Variants in HLCS observed in about 807,000 individuals in gnomAD.
HLCS encodes the protein biotin--protein ligase.
In HLCS, 53 loss-of-function variants were observed where a neutral mutation model predicts 75.0. The observed-to-expected ratio is 0.71, with a 90% confidence interval of 0.57 to 0.89. The LOEUF (loss-of-function observed/expected upper bound fraction) is 0.89, where lower values mean the gene tolerates loss of function less well. HLCS is among the 40% of genes least tolerant of loss of function. HLCS has a pLI of 0.00. For missense variants in HLCS, 966 were observed against 1,074.0 expected, an observed-to-expected ratio of 0.90 and a Z score of 1.41; for synonymous variants, 431 against 428.6, an observed-to-expected ratio of 1.01 and a Z score of -0.07.
In HLCS at chr21:36,962,122, T is replaced by C. The variant is rs1470702078; in HGVS notation, c.244A>G (p.Ile82Val). The change falls in exon 2 of 11, where the codon ATA becomes GTA. Residue 82 changes from isoleucine (I) to valine (V), a missense_variant. Transcript: ENST00000674895. ...KWALFLVSPF[I>V]LEAEHIAFVT... ...AATGCTATGTGTTCTGCTTCAAGTATAAAAGGAGACACAAGAAATAGGGCC... is the reference window on the plus strand; with the variant it reads ...AATGCTATGTGTTCTGCTTCAAGTACAAAAGGAGACACAAGAAATAGGGCC... 1.6e-6 allele frequency: 2 copies of C among 1,288,956 alleles called. No homozygotes were observed. Among genetic ancestry groups the C allele is most frequent in the South Asian group, 2.5e-5 (2 of 81,002 alleles). The allele number at this position is 1,288,956 out of a possible 1,614,324, so 79.8% of individuals were successfully genotyped here.
chr21:36,877,153 A>C (rs887129051), intron 6 of HLCS, among the ~76,000 whole-genome samples: 2 of 152,230 alleles, frequency 1.3e-5, no homozygotes, highest in Non-Finnish European at 1.5e-5. Context: ...TGTGTCTTGA[A>C]GAGAACATAT....
In HLCS at chr21:36,932,899, T is replaced by G. The variant is rs555333835; in HGVS notation, c.1438-2466A>C. 3.0e-4 allele frequency among the ~76,000 whole-genome samples: 46 copies of G among 152,188 alleles called. No homozygotes were observed. In the East Asian group the frequency reaches 8.3e-3, roughly 28 times the overall value. ...TTGGCAGGCCGAGGCGGGAGGATCA[T>G]TTGAGGCCAGGAGTTTGAGACCAGC... On this transcript the variant is annotated intron_variant, in intron 4 of 10. Coordinates refer to ENST00000674895, the MANE Select transcript of HLCS (RefSeq NM_001352514.2).
intron 4 of HLCS, among the ~76,000 whole-genome samples, chr21:36,932,148 T>C (rs1013413018): frequency 2.6e-5 from 4 of 152,222 alleles, no homozygotes; most frequent in African/African-American, 9.7e-5. Context: ...AATAATCAGG[T>C]AAATAATTAT....
chr21:36,886,929 C>T (rs953037264), intron 6 of HLCS, among the ~76,000 whole-genome samples: 2 of 151,998 alleles, frequency 1.3e-5, no homozygotes, highest in African/African-American at 4.8e-5. Flanking sequence ...GGGTTCGAGA[C>T]CAGACTGGCC....
At chr21:36,781,215 C>T (rs2060521410) in intron 6 of HLCS, among the ~76,000 whole-genome samples, 1 of 149,892 alleles carries the variant, frequency 6.7e-6, no homozygotes, top group Admixed American at 6.7e-5. Flanking sequence ...TGAGATCATG[C>T]CATTGCACTC....
chr21:36,936,451 GGCAA>G lies in HLCS; in HGVS notation c.1431_1434del (p.Cys478ArgfsTer4), dbSNP rs769919376. On this transcript the variant is annotated frameshift_variant, in exon 4 of 11. Coordinates refer to ENST00000674895, the MANE Select transcript of HLCS (RefSeq NM_001352514.2). LOFTEE classifies it high-confidence loss of function. ...CAAATCCATGCTGCCCTGAGTACCT[GGCAA>G]AGAACAGCTTCTCCCCCGCGAGTTC... 1 of 1,612,890 alleles carries G rather than the reference GGCAA, an allele frequency of 6.2e-7. No homozygotes were observed. The highest frequency in any genetic ancestry group is 1.3e-5 in the African/African-American group (1 of 74,902).
At position 36,750,772 on chromosome 21, in the gene HLCS, C is replaced by T. The variant is rs1238470855; in HGVS notation, c.*3474G>A. On this transcript the variant is annotated 3_prime_UTR_variant, in exon 11 of 11. Coordinates refer to ENST00000674895, the MANE Select transcript of HLCS (RefSeq NM_001352514.2). ...TAGAATGCTAATTATTCAAGCTGTT[C>T]CTAAACTTAAGTATGACATATAAGA... is the stretch of plus-strand genomic sequence containing the variant. The T allele has an allele frequency of 6.7e-6, 1 of 149,968 alleles. No individual in the cohort carries two copies. Among genetic ancestry groups the T allele is most frequent in the African/African-American group, 2.5e-5 (1 of 40,510 alleles). 9.3% of individuals were successfully genotyped at this position (149,968 alleles called of 1,614,324 possible). A position where few individuals can be genotyped will look rare whatever the true frequency, so the allele number is the denominator to read the frequency against.
chr21:36,787,892 C>T (rs2060739113), intron 6 of HLCS, among the ~76,000 whole-genome samples: 1 of 152,178 alleles, frequency 6.6e-6, no homozygotes, highest in African/African-American at 2.4e-5. Context: ...TCACCTGTGC[C>T]GATGACCAGA....
chr21:36,759,883 C>T, intron 8 of HLCS, 42 bp from the exon 9 acceptor site: 1 of 1,256,176 alleles, frequency 8.0e-7, no homozygotes, highest in Non-Finnish European at 1.2e-6. Flanking sequence ...TCACAGGACA[C>T]AAGGGGCCCA....
At chr21:36,773,299 G>A (rs956762353) in intron 6 of HLCS, among the ~76,000 whole-genome samples, 5 of 152,232 alleles carry the variant, frequency 3.3e-5, no homozygotes, top group Admixed American at 1.3e-4. Flanking sequence ...GCTTTCCCAG[G>A]CTGCCATACC....
chr21:36,837,470 A>C (rs2835478), intron 6 of HLCS, among the ~76,000 whole-genome samples: 18,242 of 152,200 alleles, frequency 0.12, 1,910 homozygotes, highest in African/African-American at 0.27. Context: ...CACGTCAAGT[A>C]GGAAAAAGTC....
At chr21:36,916,517 A>ATTTTTTTTTTTTTTTTTTTTTT (rs1569188583) in intron 5 of HLCS, among the ~76,000 whole-genome samples, 1 of 136,540 alleles carries the variant, frequency 7.3e-6, no homozygotes, top group Non-Finnish European at 1.6e-5. Context: ...ATGCCTAGCT[A>ATTTTTTTTTTTTTTTTTTTTTT]ATTTTTTTTT....
intron 5 of HLCS, among the ~76,000 whole-genome samples, chr21:36,902,726 A>G (rs1037768509): frequency 6.6e-6 from 1 of 152,182 alleles, no homozygotes; most frequent in Admixed American, 6.5e-5. Context: ...TGAGAAGACG[A>G]ATGCAGTGGG....
In HLCS at chr21:36,793,300, T is replaced by C. The variant is rs915787360; in HGVS notation, c.1893-26015A>G. Among the ~76,000 whole-genome samples the C allele has an allele frequency of 4.1e-5, 6 of 146,696 alleles. 1 individual carries two copies. Among genetic ancestry groups the C allele is most frequent in the Non-Finnish European group, 9.1e-5 (6 of 66,114 alleles). Reference sequence around the variant, plus strand: ...ACGGGACAGCAGGAAGCAGTCTTTTTTTTTTTTTTTTTTGAGATAGAGTCT... The same window carrying C: ...ACGGGACAGCAGGAAGCAGTCTTTTCTTTTTTTTTTTTTGAGATAGAGTCT... On this transcript the variant is annotated intron_variant, in intron 6 of 10. Transcript: ENST00000674895.
chr21:36,829,007 G>A (rs1029152156), intron 6 of HLCS, among the ~76,000 whole-genome samples: 1 of 152,194 alleles, frequency 6.6e-6, no homozygotes, highest in African/African-American at 2.4e-5. Flanking sequence ...CAGGAGAAAT[G>A]CTTTCTGAAA....
intron 1 of HLCS, among the ~76,000 whole-genome samples, chr21:36,982,189 A>G (rs1426057999): frequency 6.6e-6 from 1 of 152,130 alleles, no homozygotes; most frequent in African/African-American, 2.4e-5. Flanking sequence ...CATTTTATTC[A>G]TGTTCACTGC....
chr21:36,779,114 A>G (rs1468037140), intron 6 of HLCS, among the ~76,000 whole-genome samples: 1 of 151,772 alleles, frequency 6.6e-6, no homozygotes, highest in Non-Finnish European at 1.5e-5. Context: ...ACTGCCTCCC[A>G]AGTCCCACAG....
At chr21:36,932,089 G>C (rs1319244174) in intron 4 of HLCS, among the ~76,000 whole-genome samples, 1 of 152,242 alleles carries the variant, frequency 6.6e-6, no homozygotes, top group Non-Finnish European at 1.5e-5. Flanking sequence ...AGTACCCTGA[G>C]CTTCCTGGAT....
chr21:36,979,113 C>CA (rs910229010), intron 1 of HLCS, among the ~76,000 whole-genome samples: 5 of 150,066 alleles, frequency 3.3e-5, no homozygotes, highest in Middle Eastern at 3.4e-3. Flanking sequence ...ACTAAAAATT[C>CA]AAAAAAAAAT....
Sources: gnomAD v4.1 joint callset for allele counts (sites outside exome capture counted in the v4.1 genomes callset) on GRCh38, gnomAD v4.1.1 for gene constraint, MANE v1.5 for transcripts, NCBI Gene and HGNC (gene_info 2026-07-23, HGNC 2026-07-21) for gene names.